The following LTF variants were observed in gnomAD, a reference collection of about 807,000 sequenced individuals.
LTF encodes epididymis luminal protein 110.
In LTF, 91 loss-of-function variants were observed where a neutral mutation model predicts 87.2. That is an observed-to-expected ratio of 1.04 (90% CI 0.88 to 1.24). The LOEUF is 1.24. Ranked by LOEUF, LTF falls within the 50% of genes most tolerant of loss-of-function variation. LTF has a pLI of 0.00. For synonymous variants in LTF, 378 were observed against 356.1 expected (o/e 1.06, Z -0.69); for missense variants, 901 against 904.3 (o/e 1.00, Z 0.05).
intron 2 of LTF, among the ~76,000 whole-genome samples, chr3:46,458,163 A>AT (rs925607459): frequency 5.9e-5 from 9 of 151,914 alleles, no homozygotes; most frequent in Non-Finnish European, 8.8e-5. Context: ...GTCCTTTCTA[A>AT]TTTTTTTATT....
At chr3:46,452,773 T>C (rs1227404869) in intron 6 of LTF, among the ~76,000 whole-genome samples, 2 of 152,216 alleles carry the variant, frequency 1.3e-5, no homozygotes, top group Non-Finnish European at 2.9e-5. Flanking sequence ...AAAAATATAC[T>C]TTTTTTATTG....
intron 1 of LTF, among the ~76,000 whole-genome samples, chr3:46,471,986 G>T (rs1393194590): frequency 6.6e-6 from 1 of 152,152 alleles, no homozygotes; most frequent in East Asian, 1.9e-4. Flanking sequence ...TGCAGTCAGA[G>T]GCTTGTTGGA....
Position 46,443,556 on chromosome 3 carries a change from G to A in LTF, c.1540C>T (p.Pro514Ser), listed in dbSNP as rs1702574820. The A allele has an allele frequency of 1.2e-6, 2 of 1,613,596 alleles. No individual in the cohort carries two copies. Among genetic ancestry groups the A allele is most frequent in the Non-Finnish European group, 1.7e-6 (2 of 1,179,850 alleles). The change falls in exon 13 of 17, where the codon CCT (proline) becomes TCT (serine). Residue 514 changes from proline (P) to serine (S), a missense_variant. Transcript: ENST00000231751. ...AGATTAGATCTCGGGTCAGACCCAGGGGCACAGCTTTGACTGAAATATTCA... is the reference window on the plus strand; with the variant it reads ...AGATTAGATCTCGGGTCAGACCCAGAGGCACAGCTTTGACTGAAATATTCA... ...FDEYFSQSCA[P>S]GSDPRSNLCA... is the part of the protein sequence containing the mutation.
intron 1 of LTF, among the ~76,000 whole-genome samples, chr3:46,481,441 C>T (rs1222019059): frequency 6.6e-6 from 1 of 152,202 alleles, no homozygotes; most frequent in Non-Finnish European, 1.5e-5. Context: ...CCAAAGTCTG[C>T]CAAACAACTT....
chr3:46,475,563 CACA>C (rs1190464775), intron 1 of LTF, among the ~76,000 whole-genome samples: 45 of 150,532 alleles, frequency 3.0e-4, no homozygotes, highest in Admixed American at 5.3e-4. Context: ...CACACACACA[CACA>C]CCCTCTCTTC....
intron 1 of LTF, among the ~76,000 whole-genome samples, chr3:46,481,618 G>A (rs959581851): frequency 6.6e-6 from 1 of 152,206 alleles, no homozygotes; most frequent in African/African-American, 2.4e-5. Context: ...GGGCCTGGTG[G>A]CAGGTGCCTG....
chr3:46,460,067 A>C (rs1300014443), intron 1 of LTF, among the ~76,000 whole-genome samples: 1 of 152,160 alleles, frequency 6.6e-6, no homozygotes, highest in East Asian at 1.9e-4. Flanking sequence ...GATTATTTTC[A>C]TTCCTATGAC....
Position 46,439,430 on chromosome 3 carries a change from G to T in LTF, c.1774C>A (p.Leu592Met). ...TTCCGTTTGCCATCGAGGCACAGCA[G>T]CGCAAAGTCTGCCAGCTTCAAATCC... ...AKDLKLADFALLCLDGKRKPV... is the reference protein window; with the variant it reads ...AKDLKLADFAMLCLDGKRKPV... The change falls in exon 15 of 17, where the codon CTG becomes ATG. Residue 592 changes from leucine to methionine, a missense_variant. Physicochemically the swap from Leu to Met is conservative, Grantham distance 15. Coordinates refer to ENST00000231751, the MANE Select transcript of LTF (RefSeq NM_002343.6). The T allele has an allele frequency of 1.9e-6, 3 of 1,614,050 alleles. No individual in the cohort carries two copies. Among genetic ancestry groups the T allele is most frequent in the Non-Finnish European group, 2.5e-6 (3 of 1,179,940 alleles).
At chr3:46,472,521 TGTGTGTGA>T (rs1422087288) in intron 1 of LTF, among the ~76,000 whole-genome samples, 212 of 148,466 alleles carry the variant, frequency 1.4e-3, no homozygotes, top group African/African-American at 5.0e-3. Flanking sequence ...TGTGTGTGTG[TGTGTGTGA>T]GAGAGAGAGA....
At chr3:46,471,654 T>A (rs1209169459) in intron 1 of LTF, among the ~76,000 whole-genome samples, 1 of 152,218 alleles carries the variant, frequency 6.6e-6, no homozygotes, top group Non-Finnish European at 1.5e-5. Context: ...GGCCACCCGA[T>A]GGCCCCTACC....
intron 1 of LTF, among the ~76,000 whole-genome samples, chr3:46,461,494 G>A (rs990172451): frequency 2.6e-5 from 4 of 152,128 alleles, no homozygotes; most frequent in African/African-American, 7.2e-5. Flanking sequence ...CAACATGAAC[G>A]AGCCTCAGTT....
intron 2 of LTF, among the ~76,000 whole-genome samples, chr3:46,458,243 A>G (rs1702989213): frequency 1.3e-5 from 2 of 152,138 alleles, no homozygotes; most frequent in Non-Finnish European, 1.5e-5. Context: ...CGTGATTTAG[A>G]TCATCATTTA....
At chr3:46,461,787 G>T (rs1021639476) in intron 1 of LTF, among the ~76,000 whole-genome samples, 3 of 152,080 alleles carry the variant, frequency 2.0e-5, no homozygotes, top group Non-Finnish European at 4.4e-5. Flanking sequence ...TATGGAAAAT[G>T]TACCTCAGTA....
intron 1 of LTF, among the ~76,000 whole-genome samples, chr3:46,483,791 G>T (rs185536256): frequency 1.3e-5 from 2 of 152,200 alleles, no homozygotes; most frequent in African/African-American, 4.8e-5. Flanking sequence ...TCAGTATAAA[G>T]TTTATTTTAT....
At chr3:46,472,596 G>T (rs1277841819) in intron 1 of LTF, among the ~76,000 whole-genome samples, 3 of 149,612 alleles carry the variant, frequency 2.0e-5, no homozygotes, top group Non-Finnish European at 4.4e-5. Flanking sequence ...CAGTGGCACA[G>T]TATAGCTCAC....
At chr3:46,452,966 A>G (rs1248499854) in intron 6 of LTF, among the ~76,000 whole-genome samples, 1 of 152,224 alleles carries the variant, frequency 6.6e-6, no homozygotes, top group Non-Finnish European at 1.5e-5. Context: ...CAAACCAACA[A>G]GGTGAGGCTT....
chr3:46,484,177 A>C (rs1703486940), intron 1 of LTF, among the ~76,000 whole-genome samples: 1 of 152,220 alleles, frequency 6.6e-6, no homozygotes, highest in African/African-American at 2.4e-5. Context: ...AGACAAGAGC[A>C]TGGAAATTCG....
chr3:46,466,178 G>A (rs1257364586), upstream of LTF, among the ~76,000 whole-genome samples: 1 of 151,970 alleles, frequency 6.6e-6, no homozygotes, highest in Non-Finnish European at 1.5e-5. Context: ...AGATGAAGGT[G>A]GCAGTGAGCC....
In LTF at chr3:46,436,238, C is replaced by T. The variant is rs1360540457; in HGVS notation, c.2099-9G>A. The T allele has an allele frequency of 1.2e-6, 2 of 1,613,216 alleles. No homozygotes were observed. The highest frequency in any genetic ancestry group is 1.7e-6 in the Non-Finnish European group (2 of 1,179,272). On this transcript the variant is annotated splice_polypyrimidine_tract_variant and intron_variant, in intron 16 of 16. Transcript: ENST00000231751. Reference sequence around the variant, plus strand: ...ACAGGCTTCCAGGAGGGCTGTGGGACACAACAGAGCAAGAGATTCAGAAAC... The same window carrying T: ...ACAGGCTTCCAGGAGGGCTGTGGGATACAACAGAGCAAGAGATTCAGAAAC...
Sources: gnomAD v4.1 joint callset for allele counts (sites outside exome capture counted in the v4.1 genomes callset) on GRCh38, gnomAD v4.1.1 for gene constraint, MANE v1.5 for transcripts, NCBI Gene and HGNC (gene_info 2026-07-23, HGNC 2026-07-21) for gene names.